The following TNIK variants were observed in gnomAD, a reference collection of about 807,000 sequenced individuals.
TNIK encodes TRAF2 and NCK-interacting protein kinase.
A neutral mutation model predicts 191.3 loss-of-function variants in TNIK; 49 were observed. That is an observed-to-expected ratio of 0.26 (90% CI 0.20 to 0.32). TNIK has a LOEUF of 0.32. TNIK is among the 10% of genes least tolerant of loss of function. The probability of loss-of-function intolerance (pLI) is 1.00; values close to 1 mark genes in which losing one functional copy is unlikely to be tolerated. For synonymous variants in TNIK, 594 were observed against 600.9 expected (o/e 0.99, Z 0.17); for missense variants, 1,155 against 1,702.3 (o/e 0.68, Z 5.66).
At chr3:171,351,271 A>ATGTGTGTGTGTGTGTGTGTGTGTGTG (rs1335605618) in intron 2 of TNIK, among the ~76,000 whole-genome samples, 47 of 150,358 alleles carry the variant, frequency 3.1e-4, no homozygotes, top group African/African-American at 1.1e-3. Flanking sequence ...ATATGTATAT[A>ATGTGTGTGTGTGTGTGTGTGTGTGTG]TGTGTGTGTG....
At chr3:171,363,048 G>A (rs1336500705) in intron 2 of TNIK, among the ~76,000 whole-genome samples, 3 of 152,082 alleles carry the variant, frequency 2.0e-5, no homozygotes, top group Admixed American at 6.6e-5. Context: ...TAGAGCAGTG[G>A]TTTTACCCCC....
intron 8 of TNIK, among the ~76,000 whole-genome samples, chr3:171,177,124 A>G (rs1369518914): frequency 6.7e-6 from 1 of 149,524 alleles, no homozygotes; most frequent in African/African-American, 2.5e-5. Context: ...TTTTTTTTCT[A>G]ATAAAAACAG....
At chr3:171,260,188 A>C (rs77950021) in intron 2 of TNIK, among the ~76,000 whole-genome samples, 9,281 of 151,774 alleles carry the variant, frequency 0.061, 325 homozygotes, top group Middle Eastern at 0.12. Context: ...ATCCCCCTTA[A>C]TCCTGAAGTT....
At position 171,221,636 on chromosome 3, in the gene TNIK, CA is replaced by C. The variant is rs543890092; in HGVS notation, c.180+6528del. The stretch of plus-strand genomic sequence containing the variant: ...TCTTGTTCACTGGATGACTCCGTAG[CA>C]CAGTGCACTCATTCATTCTCAAGTA... On this transcript the variant is annotated intron_variant, in intron 3 of 32. Transcript: ENST00000436636. Among the ~76,000 whole-genome samples, 790 of 152,240 alleles carry C rather than the reference CA, an allele frequency of 5.2e-3. 6 individuals are homozygous for C. The highest frequency in any genetic ancestry group is 0.012 in the Admixed American group (189 of 15,284).
chr3:171,190,683 G>C lies in TNIK; in HGVS notation c.508+14C>G. Reference sequence around the variant, plus strand: ...CTTCCTGCAATTCCAAGGCTCACAGGATTCTGCTCTTACCTAGTTTAACTT... The same window carrying C: ...CTTCCTGCAATTCCAAGGCTCACAGCATTCTGCTCTTACCTAGTTTAACTT... On this transcript the variant is annotated intron_variant, in intron 6 of 32. Coordinates refer to ENST00000436636, the MANE Select transcript of TNIK (RefSeq NM_015028.4). 1 of 1,570,472 alleles carries C rather than the reference G, an allele frequency of 6.4e-7. No individual in the cohort carries two copies. The highest frequency in any genetic ancestry group is 8.7e-7 in the Non-Finnish European group (1 of 1,154,302).
At chr3:171,212,540 A>C (rs1740963167) in intron 3 of TNIK, among the ~76,000 whole-genome samples, 1 of 152,100 alleles carries the variant, frequency 6.6e-6, no homozygotes, top group Non-Finnish European at 1.5e-5. Flanking sequence ...AAGCTCCCTG[A>C]TCTGCCCAGT....
chr3:171,145,781 T>A (rs1731484339), intron 12 of TNIK, among the ~76,000 whole-genome samples: 1 of 136,562 alleles, frequency 7.3e-6, no homozygotes, highest in Admixed American at 7.0e-5. Flanking sequence ...AGTCTTTCCT[T>A]TTTTTTTTTT....
At chr3:171,345,941 G>T (rs548938454) in intron 2 of TNIK, among the ~76,000 whole-genome samples, 20 of 152,238 alleles carry the variant, frequency 1.3e-4, no homozygotes, top group African/African-American at 4.1e-4. Flanking sequence ...ATGAATGAAT[G>T]ATGAATGGAT....
chr3:171,316,106 G>A (rs1047524949), intron 2 of TNIK, among the ~76,000 whole-genome samples: 3 of 152,076 alleles, frequency 2.0e-5, no homozygotes, highest in Non-Finnish European at 4.4e-5. Flanking sequence ...TTTTAGCTTT[G>A]TGGGTTTGGT....
chr3:171,387,471 A>G (rs1051235957), intron 1 of TNIK, among the ~76,000 whole-genome samples: 1 of 152,144 alleles, frequency 6.6e-6, no homozygotes, highest in African/African-American at 2.4e-5. Flanking sequence ...CGGCTCTTAC[A>G]TCTTCCACAT....
chr3:171,254,298 C>T (rs1029728777), intron 2 of TNIK, among the ~76,000 whole-genome samples: 16 of 152,146 alleles, frequency 1.1e-4, no homozygotes, highest in African/African-American at 3.9e-4. Flanking sequence ...CCAAATTCTT[C>T]GGACCCCAAA....
chr3:171,351,217 A>C (rs1335684963), intron 2 of TNIK, among the ~76,000 whole-genome samples: 2 of 151,660 alleles, frequency 1.3e-5, no homozygotes, highest in East Asian at 1.9e-4. Context: ...CATGCAAACT[A>C]TGTTATTTAC....
At chr3:171,255,793 C>A (rs1466326073) in intron 2 of TNIK, among the ~76,000 whole-genome samples, 1 of 152,144 alleles carries the variant, frequency 6.6e-6, no homozygotes, top group Admixed American at 6.5e-5. Context: ...CTCAGTGTTT[C>A]AGAAACATTC....
intron 2 of TNIK, among the ~76,000 whole-genome samples, chr3:171,364,860 T>C (rs1252971476): frequency 6.6e-6 from 1 of 151,990 alleles, no homozygotes; most frequent in African/African-American, 2.4e-5. Flanking sequence ...GTGTTCTAAG[T>C]AGAGGGAACT....
In TNIK at chr3:171,268,324, C is replaced by G. The variant is rs532726669; in HGVS notation, c.124-40103G>C. The stretch of plus-strand genomic sequence containing the variant: ...TGCTATGTGATCATCTTCCTCAGCC[C>G]CCATCATCCCCCACGTAATATCTGA... On this transcript the variant is annotated intron_variant, in intron 2 of 32. Transcript: ENST00000436636. Among the ~76,000 whole-genome samples the G allele has an allele frequency of 2.3e-3, 344 of 152,140 alleles. 8 individuals are homozygous for G. Among genetic ancestry groups the G allele is most frequent in the Non-Finnish European group, 5.1e-4 (35 of 67,996 alleles).
chr3:171,071,819 C>T (rs533965520), intron 28 of TNIK, among the ~76,000 whole-genome samples: 4 of 152,014 alleles, frequency 2.6e-5, no homozygotes, highest in East Asian at 1.9e-4. Flanking sequence ...ATGCTTCTAA[C>T]GAAAGGGGGG....
intron 2 of TNIK, among the ~76,000 whole-genome samples, chr3:171,343,022 TC>T (rs1215732895): frequency 6.6e-6 from 1 of 152,192 alleles, no homozygotes; most frequent in Non-Finnish European, 1.5e-5. Context: ...AATGAGGCCC[TC>T]CCCAGCCACA....
At chr3:171,116,634 T>C (rs900390731) in intron 18 of TNIK, among the ~76,000 whole-genome samples, 3 of 152,134 alleles carry the variant, frequency 2.0e-5, no homozygotes, top group African/African-American at 4.8e-5. Context: ...CATAAGAAAA[T>C]AGGTTTGGGA....
chr3:171,425,951 T>C (rs1378631559), intron 1 of TNIK, among the ~76,000 whole-genome samples: 1 of 152,162 alleles, frequency 6.6e-6, no homozygotes, highest in Non-Finnish European at 1.5e-5. Flanking sequence ...TTTTACACTG[T>C]TGGTGGGACT....
Sources: gnomAD v4.1 joint callset for allele counts (sites outside exome capture counted in the v4.1 genomes callset) on GRCh38, gnomAD v4.1.1 for gene constraint, MANE v1.5 for transcripts, NCBI Gene and HGNC (gene_info 2026-07-23, HGNC 2026-07-21) for gene names.